Variants in PSMC2 observed in about 807,000 individuals in gnomAD.
PSMC2 encodes the protein proteasome 26S subunit, ATPase 2, also known as 26S proteasome regulatory subunit 7.
A neutral mutation model predicts 53.3 loss-of-function variants in PSMC2; 7 were observed. That is an observed-to-expected ratio of 0.13 (90% confidence interval 0.07 to 0.25). PSMC2 has a LOEUF of 0.25. Ranked by LOEUF, PSMC2 falls within the 10% of genes least tolerant of loss-of-function variation. PSMC2 has a pLI of 1.00. For synonymous variants in PSMC2, 169 were observed against 183.9 expected, an observed-to-expected ratio of 0.92 and a Z score of 0.66; for missense variants, 241 against 544.0, an observed-to-expected ratio of 0.44 and a Z score of 5.54.
intron 1 of PSMC2, chr7:103,352,927 C>G (rs778008253): frequency 7.7e-6 from 6 of 780,922 alleles, no homozygotes; most frequent in East Asian, 2.4e-5. Flanking sequence ...TGTATGAAAG[C>G]TGAAACAAGA....
At chr7:103,348,618 A>G in intron 1 of PSMC2, 2 of 1,177,464 alleles carry the variant, frequency 1.7e-6, no homozygotes, top group Non-Finnish European at 2.5e-6. Flanking sequence ...ACCAGAAGCT[A>G]TGCTGGAGCC....
intron 2 of PSMC2, 62 bp from the exon 3 acceptor site, chr7:103,354,806 C>A: frequency 9.6e-7 from 1 of 1,045,414 alleles, no homozygotes; most frequent in Non-Finnish European, 1.5e-6. Flanking sequence ...TAATTTTTAC[C>A]TGTAGTTTTA....
At chr7:103,355,432 T>A (rs1819976344) in intron 3 of PSMC2, among the ~76,000 whole-genome samples, 1 of 152,086 alleles carries the variant, frequency 6.6e-6, no homozygotes, top group African/African-American at 2.4e-5. Flanking sequence ...CTGGGGTGAT[T>A]TTGCCCCACC....
chr7:103,366,046 T>C (rs1220773195), intron 8 of PSMC2, 30 bp from the exon 9 acceptor site: 7 of 1,556,468 alleles, frequency 4.5e-6, no homozygotes, highest in Non-Finnish European at 6.1e-6. Context: ...TGAAACCAAT[T>C]TTGAATTAAT....
intron 8 of PSMC2, among the ~76,000 whole-genome samples, chr7:103,364,958 CATAT>C (rs59914167): frequency 0.027 from 3,334 of 125,474 alleles, 180 homozygotes; most frequent in African/African-American, 0.091. Flanking sequence ...TGTAGACATA[CATAT>C]ATATATATAT....
intron 4 of PSMC2, among the ~76,000 whole-genome samples, chr7:103,359,802 G>A (rs949122344): frequency 1.3e-5 from 2 of 152,086 alleles, no homozygotes; most frequent in Admixed American, 6.5e-5. Flanking sequence ...TTGTTTGACT[G>A]GGCGCAGTGG....
In PSMC2 at chr7:103,355,808, T is replaced by C. The variant is rs769017116; in HGVS notation, c.290+15T>C. On this transcript the variant is annotated intron_variant, in intron 4 of 11. Coordinates refer to ENST00000292644, the MANE Select transcript of PSMC2 (RefSeq NM_002803.4). The stretch of plus-strand genomic sequence containing the variant: ...CAGGTTGCCAGGTATGCACGGGTGC[T>C]CTGTGGCAACTTACCTTTGTCTGTA... 6.4e-7 allele frequency: 1 copy of C among 1,574,348 alleles called. No homozygotes were observed. Among genetic ancestry groups the C allele is most frequent in the Non-Finnish European group, 8.7e-7 (1 of 1,145,896 alleles).
At position 103,355,680 on chromosome 7, in the gene PSMC2, C is replaced by T; in HGVS notation, c.191-14C>T. 6.3e-7 allele frequency: 1 copy of T among 1,598,354 alleles called. No homozygotes were observed. Among genetic ancestry groups the T allele is most frequent in the Non-Finnish European group, 8.6e-7 (1 of 1,166,036 alleles). ...ATTACATTTTAGTAAATTTTGTCAT[C>T]TTTCTCTATGTAGGTATTAAAGAAT... On this transcript the variant is annotated splice_polypyrimidine_tract_variant and intron_variant, in intron 3 of 11. Coordinates refer to ENST00000292644, the MANE Select transcript of PSMC2 (RefSeq NM_002803.4).
chr7:103,366,896 C>T (rs1230086112), intron 9 of PSMC2, among the ~76,000 whole-genome samples: 1 of 152,108 alleles, frequency 6.6e-6, no homozygotes. Context: ...CCTCTGCCTC[C>T]TGGGTTCAAG....
chr7:103,366,283 A>C (rs1820714578), intron 9 of PSMC2, 120 bp downstream of exon 9: 1 of 835,844 alleles, frequency 1.2e-6, no homozygotes, highest in Non-Finnish European at 1.9e-6. Flanking sequence ...ATGAGCTCTG[A>C]AACAGTGGCG....
intron 2 of PSMC2, 24 bp from the exon 3 acceptor site, chr7:103,354,840 TCTAA>T (rs1211192102): frequency 4.1e-6 from 6 of 1,465,214 alleles, no homozygotes; most frequent in Non-Finnish European, 5.7e-6. Context: ...ATCCTGATAT[TCTAA>T]CTAAACTGAC....
intron 4 of PSMC2, 80 bp from the exon 5 acceptor site, chr7:103,361,877 C>CT (rs1329847370): frequency 3.6e-6 from 5 of 1,385,390 alleles, no homozygotes; most frequent in African/African-American, 1.5e-5. Context: ...ATATTGCACA[C>CT]TCAGGATATA....
At chr7:103,366,003 G>GATC in intron 8 of PSMC2, 73 bp from the exon 9 acceptor site, 1 of 1,193,388 alleles carries the variant, frequency 8.4e-7, no homozygotes, top group Non-Finnish European at 1.2e-6. Context: ...TGAAAAGTTT[G>GATC]AAGCATAACT....
intron 1 of PSMC2, among the ~76,000 whole-genome samples, chr7:103,348,235 A>G (rs987339000): frequency 1.3e-5 from 2 of 152,194 alleles, no homozygotes; most frequent in East Asian, 1.9e-4. Flanking sequence ...GGCAGAAAAG[A>G]TATCTTTGAA....
Position 103,347,792 on chromosome 7 carries a change from A to T in PSMC2, c.70+11A>T. 6.2e-7 allele frequency: 1 copy of T among 1,613,748 alleles called. No homozygotes were observed. The highest frequency in any genetic ancestry group is 1.1e-5 in the South Asian group (1 of 91,070). On this transcript the variant is annotated intron_variant, in intron 1 of 11. Transcript: ENST00000292644. Reference sequence around the variant, plus strand: ...ACAAGCCCATCCGAGGTCAGTTGACATGGGCCGGAGCTCGGAGCTGGGGCG... The same window carrying T: ...ACAAGCCCATCCGAGGTCAGTTGACTTGGGCCGGAGCTCGGAGCTGGGGCG...
chr7:103,365,521 C>T (rs1338943410), intron 8 of PSMC2, among the ~76,000 whole-genome samples: 1 of 152,010 alleles, frequency 6.6e-6, no homozygotes, highest in Non-Finnish European at 1.5e-5. Flanking sequence ...CCCAGCTCCT[C>T]GGGAGGCCGA....
chr7:103,359,138 CTTTTTTTTTTTTTTTTTTT>C (rs35936603), intron 4 of PSMC2, among the ~76,000 whole-genome samples: 1 of 31,334 alleles, frequency 3.2e-5, no homozygotes, highest in South Asian at 3.7e-3. Flanking sequence ...CCATGTCTGG[CTTTTTTTTTTTTTTTTTTT>C]TTTTTTTTTT....
intron 1 of PSMC2, among the ~76,000 whole-genome samples, chr7:103,352,282 G>T (rs1427799415): frequency 1.5e-5 from 2 of 131,420 alleles, no homozygotes; most frequent in African/African-American, 5.6e-5. Context: ...ATGTACGATT[G>T]TATGATTGGT....
chr7:103,350,445 A>G (rs1819702630), intron 1 of PSMC2, among the ~76,000 whole-genome samples: 1 of 152,164 alleles, frequency 6.6e-6, no homozygotes, highest in Non-Finnish European at 1.5e-5. Flanking sequence ...GATCATCTCA[A>G]TTTATAGCAG....
Sources: allele counts gnomAD v4.1 joint callset (sites outside exome capture counted in the v4.1 genomes callset), GRCh38; gene constraint gnomAD v4.1.1; transcripts MANE v1.5; gene names NCBI Gene and HGNC (gene_info 2026-07-23, HGNC 2026-07-21).